Variants in CTDSP2 observed in about 807,000 individuals in gnomAD.
CTDSP2 encodes carboxy-terminal domain RNA polymerase II polypeptide A small phosphatase 2.
Under a neutral mutation model 31.6 loss-of-function variants are expected in CTDSP2, and 9 were observed. That is an observed-to-expected ratio of 0.28 (90% CI 0.17 to 0.50). The LOEUF is 0.50. CTDSP2 is among the 20% of genes least tolerant of loss of function. CTDSP2 has a pLI of 0.98. For synonymous variants in CTDSP2, 134 were observed against 134.5 expected, an observed-to-expected ratio of 1.00 and a Z score of 0.03; for missense variants, 267 against 348.5, an observed-to-expected ratio of 0.77 and a Z score of 1.86.
chr12:57,820,283 G>C lies in CTDSP2; in HGVS notation c.*3319C>G, dbSNP rs1364570867. The C allele has an allele frequency of 6.6e-6, 1 of 152,210 alleles. No homozygotes were observed. Among genetic ancestry groups the C allele is most frequent in the South Asian group, 2.1e-4 (1 of 4,826 alleles). The allele number at this position is 152,210 out of a possible 1,614,324, so 9.4% of individuals were successfully genotyped here. A position where few individuals can be genotyped will look rare whatever the true frequency, so the allele number is the denominator to read the frequency against. ...ACCTCTGGCCTCCTCTTCCCTGGCT[G>C]AATGTAAATATTTACCAGCATTTAG... On this transcript the variant is annotated 3_prime_UTR_variant, in exon 8 of 8. Transcript: ENST00000398073.
At chr12:57,830,366 CAG>C (rs60825777) in intron 1 of CTDSP2, among the ~76,000 whole-genome samples, 3,194 of 152,192 alleles carry the variant, frequency 0.021, 107 homozygotes, top group African/African-American at 0.072. Context: ...GCCTGGATGA[CAG>C]AGTGAGACTC....
chr12:57,820,641 T>C lies in CTDSP2; in HGVS notation c.*2961A>G, dbSNP rs1304150499. The C allele has an allele frequency of 6.6e-6, 1 of 152,664 alleles. No homozygotes were observed. The highest frequency in any genetic ancestry group is 1.5e-5 in the Non-Finnish European group (1 of 68,054). 9.5% of individuals were successfully genotyped at this position (152,664 alleles called of 1,614,324 possible). On this transcript the variant is annotated 3_prime_UTR_variant, in exon 8 of 8. Coordinates refer to ENST00000398073, the MANE Select transcript of CTDSP2 (RefSeq NM_005730.4). Reference sequence around the variant, plus strand: ...TACATTTACAAAATGCTTAAAATCTTTGGGAAGCAAGAGGAAGCTAAACAG... The same window carrying C: ...TACATTTACAAAATGCTTAAAATCTCTGGGAAGCAAGAGGAAGCTAAACAG...
intron 1 of CTDSP2, among the ~76,000 whole-genome samples, chr12:57,832,981 C>T (rs1956225950): frequency 6.6e-6 from 1 of 152,124 alleles, no homozygotes; most frequent in Non-Finnish European, 1.5e-5. Context: ...TGACACAAAG[C>T]TCCAAGACCA....
At chr12:57,829,398 C>T (rs761513943) in intron 2 of CTDSP2, 50 bp downstream of exon 2, 13 of 1,598,622 alleles carry the variant, frequency 8.1e-6, no homozygotes, top group Admixed American at 1.7e-5. Flanking sequence ...CAGGGATCTC[C>T]CATTAACAGT....
chr12:57,839,622 C>G (rs767465262), intron 1 of CTDSP2, among the ~76,000 whole-genome samples: 57 of 152,124 alleles, frequency 3.7e-4, no homozygotes, highest in Non-Finnish European at 6.6e-4. Context: ...GGAGGCTGAG[C>G]CAGGAGAATG....
At chr12:57,843,992 G>C (rs1202696002) in intron 1 of CTDSP2, among the ~76,000 whole-genome samples, 1 of 152,014 alleles carries the variant, frequency 6.6e-6, no homozygotes, top group Non-Finnish European at 1.5e-5. Flanking sequence ...CAGGAGTCGA[G>C]ACCAGCCTGG....
rs770318761 is a variant in CTDSP2 at position 57,821,206 on chromosome 12, C to A, written c.*2396G>T. The A allele has an allele frequency of 2.6e-5, 4 of 152,232 alleles. No homozygotes were observed. The highest frequency in any genetic ancestry group is 4.4e-5 in the Non-Finnish European group (3 of 68,102). The allele number at this position is 152,232 out of a possible 1,614,324, so 9.4% of individuals were successfully genotyped here. Reference sequence around the variant, plus strand: ...AAGAACAGACCCTGGCTAGGTTTGGCCGAGTAGCTTCTCTGGGGCAAGTGG... The same window carrying A: ...AAGAACAGACCCTGGCTAGGTTTGGACGAGTAGCTTCTCTGGGGCAAGTGG... On this transcript the variant is annotated 3_prime_UTR_variant, in exon 8 of 8. Coordinates refer to ENST00000398073, the MANE Select transcript of CTDSP2 (RefSeq NM_005730.4).
chr12:57,829,627 C>G, intron 1 of CTDSP2, 31 bp from the exon 2 acceptor site: 1 of 1,601,922 alleles, frequency 6.2e-7, no homozygotes, highest in Non-Finnish European at 8.6e-7. Context: ...GAGGCTTTAG[C>G]TCTAGGGACA....
intron 4 of CTDSP2, 74 bp downstream of exon 4, chr12:57,826,922 G>A: frequency 8.5e-7 from 1 of 1,177,488 alleles, no homozygotes; most frequent in Admixed American, 1.8e-5. Context: ...CCTTTAGGCT[G>A]CCTTACACAT....
At chr12:57,843,527 T>C (rs1956295192) in intron 1 of CTDSP2, among the ~76,000 whole-genome samples, 1 of 148,264 alleles carries the variant, frequency 6.7e-6, no homozygotes, top group South Asian at 2.1e-4. Flanking sequence ...AACAGAATGC[T>C]AAAAAAAGAA....
Position 57,824,239 on chromosome 12 carries a change from G to A in CTDSP2, c.492C>T (p.Ala164=). The stretch of plus-strand genomic sequence containing the variant: ...CACCCCTAGGTACCTTGGCCAGGCT[G>A]GCAGTGAAGAGAACACATTCAAAGA... The part of the protein sequence containing the change: ...GELFECVLFT[A]SLAKYADPVT... The change falls in exon 6 of 8, where the codon GCC becomes GCT. Residue 164 remains alanine, a synonymous_variant. Transcript: ENST00000398073. 6.2e-7 allele frequency: 1 copy of A among 1,614,056 alleles called. No individual in the cohort carries two copies. Among genetic ancestry groups the A allele is most frequent in the Admixed American group, 1.7e-5 (1 of 60,024 alleles).
rs1059412 is a variant in CTDSP2, at chr12:57,820,316, G to A, written c.*3286C>T. 1 of 152,220 alleles carries A rather than the reference G, an allele frequency of 6.6e-6. No individual in the cohort carries two copies. Among genetic ancestry groups the A allele is most frequent in the African/African-American group, 2.4e-5 (1 of 41,460 alleles). 9.4% of individuals were successfully genotyped at this position (152,220 alleles called of 1,614,324 possible). ...ATATTTACCAGCATTTAGAAAAAAG[G>A]AGAAAAAAGACAGAACTAAACCCGT... is the stretch of plus-strand genomic sequence containing the variant. On this transcript the variant is annotated 3_prime_UTR_variant, in exon 8 of 8. Coordinates refer to ENST00000398073, the MANE Select transcript of CTDSP2 (RefSeq NM_005730.4).
chr12:57,840,225 G>T (rs1956274343), intron 1 of CTDSP2, among the ~76,000 whole-genome samples: 1 of 152,218 alleles, frequency 6.6e-6, no homozygotes, highest in South Asian at 2.1e-4. Context: ...TCCCAGGTGG[G>T]GGGTCTGTAT....
intron 1 of CTDSP2, chr12:57,842,454 G>C (rs1956288293): frequency 6.6e-6 from 1 of 152,226 alleles, no homozygotes; most frequent in Non-Finnish European, 1.5e-5. Flanking sequence ...CATCCTCCGA[G>C]GGATTTTTCA....
chr12:57,833,598 A>T (rs1956229709), intron 1 of CTDSP2, among the ~76,000 whole-genome samples: 1 of 152,186 alleles, frequency 6.6e-6, no homozygotes, highest in Non-Finnish European at 1.5e-5. Context: ...AATGGCCCCA[A>T]CCCAGTGCAT....
chr12:57,820,064 T>C lies in CTDSP2; in HGVS notation c.*3538A>G, dbSNP rs1956134404. On this transcript the variant is annotated 3_prime_UTR_variant, in exon 8 of 8. Transcript: ENST00000398073. ...CAACAAATTTATCAAACCATGAATC[T>C]GTAAGCAAGGTAGTCAGAATCCCAT... 6.6e-6 allele frequency: 1 copy of C among 152,668 alleles called. No homozygotes were observed. The allele number at this position is 152,668 out of a possible 1,614,324, so 9.5% of individuals were successfully genotyped here.
intron 1 of CTDSP2, chr12:57,845,377 G>A (rs926212289): frequency 1.1e-4 from 16 of 152,372 alleles, no homozygotes; most frequent in African/African-American, 3.4e-4. Flanking sequence ...ACCAAACTAA[G>A]AGGTTCCACC....
At position 57,846,487 on chromosome 12, in the gene CTDSP2, CGGGCT is replaced by C. The variant is rs771045070; in HGVS notation, c.-57_-53del. The C allele has an allele frequency of 3.2e-5, 48 of 1,500,834 alleles. No homozygotes were observed. The highest frequency in any genetic ancestry group is 4.1e-5 in the Admixed American group (2 of 48,220). 93.0% of individuals were successfully genotyped at this position (1,500,834 alleles called of 1,614,324 possible). A position where few individuals can be genotyped will look rare whatever the true frequency, so the allele number is the denominator to read the frequency against. ...CTGGGCGGGAGGACGGGCGGGCGCG[CGGGCT>C]GGGCTGGGCTGGGGGGCCTGGGCGG... On this transcript the variant is annotated 5_prime_UTR_variant, in exon 1 of 8. Transcript: ENST00000398073.
At position 57,846,591 on chromosome 12, in the gene CTDSP2, G is replaced by T; in HGVS notation, c.-156C>A. 1 of 615,922 alleles carries T rather than the reference G, an allele frequency of 1.6e-6. No homozygotes were observed. 38.2% of individuals were successfully genotyped at this position (615,922 alleles called of 1,614,324 possible). ...CCCCCTCTCGTTTCCTCCCCGGACC[G>T]GGAAGGGAGGCGGCCTGTACAAAGG... is the stretch of plus-strand genomic sequence containing the variant. On this transcript the variant is annotated 5_prime_UTR_variant, in exon 1 of 8. Transcript: ENST00000398073.
Sources: allele counts gnomAD v4.1 joint callset (sites outside exome capture counted in the v4.1 genomes callset), GRCh38; gene constraint gnomAD v4.1.1; transcripts MANE v1.5; gene names NCBI Gene and HGNC (gene_info 2026-07-23, HGNC 2026-07-21).